The following ANKRD45 variants were observed in gnomAD, a reference collection of about 807,000 sequenced individuals.
ANKRD45 encodes the protein ankyrin repeat domain-containing protein 45.
A neutral mutation model predicts 28.1 loss-of-function variants in ANKRD45; 21 were observed. The ratio of observed to expected loss-of-function variants is 0.75; its 90% CI spans 0.53 to 1.08. The LOEUF (loss-of-function observed/expected upper bound fraction) is 1.08. ANKRD45 is among the 50% of genes least tolerant of loss of function. The pLI is 0.00. For missense variants in ANKRD45, 261 were observed against 308.7 expected, an observed-to-expected ratio of 0.85 and a Z score of 1.16; for synonymous variants, 86 against 103.9, an observed-to-expected ratio of 0.83 and a Z score of 1.05.
chr1:173,664,586 C>G (rs569689760), intron 1 of ANKRD45, among the ~76,000 whole-genome samples: 43 of 152,306 alleles, frequency 2.8e-4, no homozygotes, highest in African/African-American at 1.0e-3. Context: ...AAGCCTTTCC[C>G]TAATTCCTCT....
chr1:173,657,001 C>A (rs914381760), intron 2 of ANKRD45, among the ~76,000 whole-genome samples: 1 of 147,248 alleles, frequency 6.8e-6, no homozygotes, highest in East Asian at 2.1e-4. Context: ...TTGTCTCAAA[C>A]TCCTGGGCTC....
At chr1:173,612,765 A>T (rs1437906719) in intron 5 of ANKRD45, 1 of 155,132 alleles carries the variant, frequency 6.4e-6, no homozygotes, top group Non-Finnish European at 1.4e-5. Flanking sequence ...TGGTTTTCGT[A>T]TTTTTTTGGT....
Position 173,624,767 on chromosome 1 carries a change from A to G in ANKRD45, c.730+20T>C. 1 of 1,601,190 alleles carries G rather than the reference A, an allele frequency of 6.2e-7. No individual in the cohort carries two copies. The highest frequency in any genetic ancestry group is 8.5e-7 in the Non-Finnish European group (1 of 1,172,686). On this transcript the variant is annotated intron_variant, in intron 5 of 5. Transcript: ENST00000333279. ...TTTCATCCCTTCTGACATTCAAACCACCTTTTATCCAAAACTTACATGGTG... is the reference window on the plus strand; with the variant it reads ...TTTCATCCCTTCTGACATTCAAACCGCCTTTTATCCAAAACTTACATGGTG...
At chr1:173,669,614 C>G (rs1670174857) in intron 1 of ANKRD45, 3 of 414,358 alleles carry the variant, frequency 7.2e-6, no homozygotes, top group Non-Finnish European at 1.5e-5. Context: ...CCCTAGGGAC[C>G]TTCTGCGATC....
chr1:173,698,637 A>G, the ANKRD45 span, among the ~76,000 whole-genome samples: 2 of 152,240 alleles, frequency 1.3e-5, no homozygotes, highest in Non-Finnish European at 2.9e-5. Context: ...CAAAGACACA[A>G]TGTACCAGAA....
At chr1:173,695,046 A>G in the ANKRD45 span, among the ~76,000 whole-genome samples, 1 of 152,072 alleles carries the variant, frequency 6.6e-6, no homozygotes, top group Non-Finnish European at 1.5e-5. Context: ...TTTTATTGTC[A>G]TTTTCAGTTC....
the ANKRD45 span, among the ~76,000 whole-genome samples, chr1:173,712,023 C>A: frequency 2.6e-5 from 4 of 152,120 alleles, no homozygotes; most frequent in Non-Finnish European, 5.9e-5. Flanking sequence ...CATACCTATA[C>A]TATGAATTAT....
At chr1:173,675,802 C>T in the ANKRD45 span, among the ~76,000 whole-genome samples, 196 of 152,280 alleles carry the variant, frequency 1.3e-3, 1 homozygote, top group African/African-American at 4.6e-3. Context: ...TGCTTTATTA[C>T]ACTTCACCTG....
chr1:173,675,981 C>G, the ANKRD45 span, among the ~76,000 whole-genome samples: 1 of 152,208 alleles, frequency 6.6e-6, no homozygotes, highest in Non-Finnish European at 1.5e-5. Flanking sequence ...TTCCTCTCCT[C>G]TCAATGTTCC....
Position 173,610,227 on chromosome 1 carries a change from C to T in ANKRD45, c.731-12G>A, listed in dbSNP as rs370698956. 1.1e-4 allele frequency: 170 copies of T among 1,611,844 alleles called. No individual in the cohort carries two copies. The African/African-American group carries it at 2.1e-3, about 20-fold the overall frequency. ...ACTTTTCACTTGACCTGAAAGGAAA[C>T]AGATTTTAAAATTACATTTAATTAG... On this transcript the variant is annotated splice_polypyrimidine_tract_variant and intron_variant, in intron 5 of 5. Transcript: ENST00000333279.
chr1:173,694,909 C>G, the ANKRD45 span, among the ~76,000 whole-genome samples: 1 of 152,058 alleles, frequency 6.6e-6, no homozygotes, highest in East Asian at 1.9e-4. Flanking sequence ...GGAAATTTTT[C>G]AATTACACAG....
Position 173,609,988 on chromosome 1 carries a change from C to T in ANKRD45, c.*157G>A, listed in dbSNP as rs1281395273. The T allele has an allele frequency of 1.4e-6, 1 of 718,864 alleles. No homozygotes were observed. The highest frequency in any genetic ancestry group is 1.8e-5 in the African/African-American group (1 of 55,800). The allele number at this position is 718,864 out of a possible 1,614,324, so 44.5% of individuals were successfully genotyped here. ...AGCAGAGGCGAGGCCAGAGTCCGGA[C>T]ATAAGCATGCTGAACAGGTCAAACA... On this transcript the variant is annotated 3_prime_UTR_variant, in exon 6 of 6. Transcript: ENST00000333279.
At chr1:173,644,993 C>CAA (rs34936839) in intron 3 of ANKRD45, among the ~76,000 whole-genome samples, 8 of 131,362 alleles carry the variant, frequency 6.1e-5, no homozygotes, top group African/African-American at 1.8e-4. Flanking sequence ...AACTCCATCT[C>CAA]AAAAAAAAAA....
chr1:173,635,307 A>C, intron 3 of ANKRD45: 1 of 488,536 alleles, frequency 2.0e-6, no homozygotes, highest in Non-Finnish European at 3.6e-6. Context: ...TGATGATGTT[A>C]CAATGATCAT....
At chr1:173,635,366 A>ACC (rs1668380908) in intron 3 of ANKRD45, 1 of 619,818 alleles carries the variant, frequency 1.6e-6, no homozygotes, top group Admixed American at 3.0e-5. Context: ...AGGTTATATG[A>ACC]AGTGCTTTTA....
the ANKRD45 span, among the ~76,000 whole-genome samples, chr1:173,703,917 G>A: frequency 6.6e-6 from 1 of 152,252 alleles, no homozygotes; most frequent in Non-Finnish European, 1.5e-5. Flanking sequence ...CTCCAGAACT[G>A]CAAGAAAATA....
chr1:173,629,149 C>G (rs1668074696), intron 3 of ANKRD45, among the ~76,000 whole-genome samples: 1 of 152,196 alleles, frequency 6.6e-6, no homozygotes, highest in African/African-American at 2.4e-5. Flanking sequence ...CAAGTCCCTT[C>G]AAATACGTAG....
the ANKRD45 span, among the ~76,000 whole-genome samples, chr1:173,687,428 A>T: frequency 1.3e-5 from 2 of 150,158 alleles, no homozygotes; most frequent in African/African-American, 2.4e-5. Flanking sequence ...AATTTACCAT[A>T]TAACATCCCT....
chr1:173,672,095 G>A (rs376092313), upstream of ANKRD45, among the ~76,000 whole-genome samples: 2 of 152,032 alleles, frequency 1.3e-5, no homozygotes, highest in East Asian at 1.9e-4. Flanking sequence ...GAATTAAGGC[G>A]GCTGCAGACC....
Sources: allele counts gnomAD v4.1 joint callset (sites outside exome capture counted in the v4.1 genomes callset), GRCh38; gene constraint gnomAD v4.1.1; transcripts MANE v1.5; gene names NCBI Gene and HGNC (gene_info 2026-07-23, HGNC 2026-07-21).